Variants in CSPP1 observed in about 807,000 individuals in gnomAD.
CSPP1 encodes the protein centrosome and spindle pole-associated protein 1.
In CSPP1, 126 loss-of-function variants were observed where a neutral mutation model predicts 164.4. The ratio of observed to expected loss-of-function variants is 0.77; its 90% CI spans 0.66 to 0.89. The LOEUF is 0.89. CSPP1 is among the 40% of genes least tolerant of loss of function. The probability of loss-of-function intolerance (pLI) is 0.00; values close to 1 mark genes in which losing one functional copy is unlikely to be tolerated. For synonymous variants in CSPP1, 472 were observed against 476.7 expected, an observed-to-expected ratio of 0.99 and a Z score of 0.13; for missense variants, 1,395 against 1,449.8, an observed-to-expected ratio of 0.96 and a Z score of 0.61.
chr8:67,154,856 T>A (rs55865037), intron 19 of CSPP1, among the ~76,000 whole-genome samples: 18,746 of 152,252 alleles, frequency 0.12, 2,265 homozygotes, highest in African/African-American at 0.31. Context: ...GATTTACTAA[T>A]ATATTCATCT....
intron 18 of CSPP1, among the ~76,000 whole-genome samples, chr8:67,150,648 G>A (rs756778535): frequency 3.3e-5 from 5 of 152,174 alleles, no homozygotes; most frequent in African/African-American, 7.2e-5. Flanking sequence ...TGATCCATCC[G>A]CCTCCACCTC....
intron 27 of CSPP1, among the ~76,000 whole-genome samples, chr8:67,178,796 G>A (rs771423169): frequency 9.2e-5 from 14 of 152,298 alleles, no homozygotes; most frequent in Admixed American, 2.0e-4. Flanking sequence ...CATGGGGCAG[G>A]GGGTGACGAG....
At chr8:67,072,826 A>G (rs1206581712) in intron 1 of CSPP1, among the ~76,000 whole-genome samples, 1 of 150,560 alleles carries the variant, frequency 6.6e-6, no homozygotes, top group Non-Finnish European at 1.5e-5. Flanking sequence ...TATGATGGCA[A>G]CACTGTACTC....
intron 17 of CSPP1, among the ~76,000 whole-genome samples, chr8:67,141,615 G>T (rs997517753): frequency 6.6e-6 from 1 of 152,106 alleles, no homozygotes; most frequent in Admixed American, 6.6e-5. Flanking sequence ...TCTGCCTCCC[G>T]GGTTCAAGCA....
At position 67,175,307 on chromosome 8, in the gene CSPP1, C is replaced by T. The variant is rs760275528; in HGVS notation, c.2980C>T (p.Arg994Ter). Reference protein sequence around the residue: ...NELKDRDSETRVDLKFMYLDP... With the variant: ...NELKDRDSET ...ATTTTTTATACCAGATTCAGAAACACGAGTTGATCTGAAATTTATGTACCT... is the reference window on the plus strand; with the variant it reads ...ATTTTTTATACCAGATTCAGAAACATGAGTTGATCTGAAATTTATGTACCT... Residue 994 changes from arginine (R) to a stop codon, truncating the protein, a stop_gained, in exon 26 of 31, where the codon CGA becomes TGA. Coordinates refer to ENST00000678616, the MANE Select transcript of CSPP1 (RefSeq NM_001382391.1). LOFTEE classifies it high-confidence loss of function. 5.0e-6 allele frequency: 8 copies of T among 1,609,052 alleles called. No homozygotes were observed. Among genetic ancestry groups the T allele is most frequent in the African/African-American group, 1.3e-5 (1 of 74,728 alleles).
chr8:67,143,345 T>C (rs188806437), intron 17 of CSPP1, among the ~76,000 whole-genome samples: 2 of 152,194 alleles, frequency 1.3e-5, no homozygotes, highest in Admixed American at 1.3e-4. Flanking sequence ...ACAACTCAAC[T>C]TCTTCGCATA....
At chr8:67,154,533 ATT>A (rs35967092) in intron 19 of CSPP1, among the ~76,000 whole-genome samples, 1 of 151,950 alleles carries the variant, frequency 6.6e-6, no homozygotes, top group African/African-American at 2.4e-5. Flanking sequence ...CGCCCGGCTA[ATT>A]TTTTGTATTT....
At chr8:67,086,946 A>T in intron 4 of CSPP1, 1 of 559,170 alleles carries the variant, frequency 1.8e-6, no homozygotes, top group Non-Finnish European at 3.0e-6. Context: ...TGAGATTCAA[A>T]CCAATTAGGA....
chr8:67,086,212 A>G (rs776809244), intron 4 of CSPP1, 102 bp downstream of exon 4: 1 of 766,110 alleles, frequency 1.3e-6, no homozygotes, highest in Non-Finnish European at 2.4e-6. Context: ...TTAGGTTTTC[A>G]GTGGTACTAG....
chr8:67,177,732 C>T lies in CSPP1; in HGVS notation c.3156+6C>T, dbSNP rs375100195. On this transcript the variant is annotated splice_donor_region_variant and intron_variant, in intron 27 of 30. Transcript: ENST00000678616. Reference sequence around the variant, plus strand: ...AAGTACGAGAGCAAAGAATGGTAAGCAACCAGTTACAATTTTTCAAGTTAG... The same window carrying T: ...AAGTACGAGAGCAAAGAATGGTAAGTAACCAGTTACAATTTTTCAAGTTAG... 2.9e-5 allele frequency: 46 copies of T among 1,603,256 alleles called. No homozygotes were observed. In the African/African-American group the frequency reaches 5.6e-4, roughly 20 times the overall value.
rs1370912019 is a variant in CSPP1, at chr8:67,159,122, T to C, written c.2523T>C (p.Ile841=). 2 of 1,598,452 alleles carry C rather than the reference T, an allele frequency of 1.3e-6. No homozygotes were observed. Among genetic ancestry groups the C allele is most frequent in the Admixed American group, 1.8e-5 (1 of 55,696 alleles). ...ACTACTGTGAAAGAGACAATTTGATTGGGGAAGAAACAAAGGTAAGTTTCA... is the reference window on the plus strand; with the variant it reads ...ACTACTGTGAAAGAGACAATTTGATCGGGGAAGAAACAAAGGTAAGTTTCA... The part of the protein sequence containing the change: ...LQHYCERDNL[I]GEETKHMRQP... Residue 841 remains isoleucine (I), a synonymous_variant, in exon 21 of 31, where the codon ATT becomes ATC. Coordinates refer to ENST00000678616, the MANE Select transcript of CSPP1 (RefSeq NM_001382391.1).
chr8:67,129,625 A>T (rs11990088), intron 15 of CSPP1, among the ~76,000 whole-genome samples: 12,593 of 152,250 alleles, frequency 0.083, 1,062 homozygotes, highest in African/African-American at 0.22. Context: ...TCCATCAGTG[A>T]GTGAATGGAT....
rs1830655040 is a variant in CSPP1 at position 67,172,409 on chromosome 8, T to G, written c.2829-7T>G. ...AGCACATATTATGATTTGTCATTTA[T>G]CTATAGGAAAAAGGAAAGGAATCCC... On this transcript the variant is annotated splice_polypyrimidine_tract_variant and splice_region_variant and intron_variant, in intron 24 of 30. Coordinates refer to ENST00000678616, the MANE Select transcript of CSPP1 (RefSeq NM_001382391.1). 1 of 1,607,188 alleles carries G rather than the reference T, an allele frequency of 6.2e-7. No individual in the cohort carries two copies. The highest frequency in any genetic ancestry group is 8.5e-7 in the Non-Finnish European group (1 of 1,175,072).
intron 18 of CSPP1, among the ~76,000 whole-genome samples, chr8:67,151,437 CAG>C (rs754405922): frequency 6.6e-5 from 10 of 152,290 alleles, no homozygotes; most frequent in Non-Finnish European, 1.3e-4. Context: ...CATTGCCATA[CAG>C]AGTCTTTCTC....
At chr8:67,102,088 T>G (rs1457311645) in intron 7 of CSPP1, among the ~76,000 whole-genome samples, 2 of 152,152 alleles carry the variant, frequency 1.3e-5, no homozygotes, top group South Asian at 2.1e-4. Context: ...TCCAAAAAGG[T>G]TTTTAAAGAA....
chr8:67,083,187 A>G (rs1479222905), intron 3 of CSPP1, among the ~76,000 whole-genome samples: 1 of 152,190 alleles, frequency 6.6e-6, no homozygotes, highest in Non-Finnish European at 1.5e-5. Context: ...TTACAATACT[A>G]TTTGAATTAA....
intron 3 of CSPP1, among the ~76,000 whole-genome samples, chr8:67,078,589 T>A (rs1585871523): frequency 6.6e-6 from 1 of 152,240 alleles, no homozygotes; most frequent in African/African-American, 2.4e-5. Context: ...TCGAACTCGC[T>A]AGCTCAAGCC....
chr8:67,147,344 G>T (rs1333341338), intron 17 of CSPP1, among the ~76,000 whole-genome samples: 1 of 152,028 alleles, frequency 6.6e-6, no homozygotes, highest in Non-Finnish European at 1.5e-5. Context: ...TTTTTCTGTG[G>T]TTTCACCCAG....
rs780536145 is a variant in CSPP1, at chr8:67,177,703, G to A, written c.3133G>A (p.Ala1045Thr). The change falls in exon 27 of 31, where the codon GCT (alanine) becomes ACT (threonine). Residue 1045 changes from alanine (A) to threonine (T), a missense_variant. Ala to Thr is a moderately conservative substitution (Grantham distance 58). Coordinates refer to ENST00000678616, the MANE Select transcript of CSPP1 (RefSeq NM_001382391.1). Reference sequence around the variant, plus strand: ...AGTTGACTTAGATGCCATCCCAAGTGCTAAAGTACGAGAGCAAAGAATGGT... The same window carrying A: ...AGTTGACTTAGATGCCATCCCAAGTACTAAAGTACGAGAGCAAAGAATGGT... Reference protein sequence around the residue: ...AKVDLDAIPSAKVREQRMPRD... With the variant: ...AKVDLDAIPSTKVREQRMPRD... 1 of 1,612,110 alleles carries A rather than the reference G, an allele frequency of 6.2e-7. No homozygotes were observed. The highest frequency in any genetic ancestry group is 1.7e-5 in the Admixed American group (1 of 60,000).
Sources: gnomAD v4.1 joint callset for allele counts (sites outside exome capture counted in the v4.1 genomes callset) on GRCh38, gnomAD v4.1.1 for gene constraint, MANE v1.5 for transcripts, NCBI Gene and HGNC (gene_info 2026-07-23, HGNC 2026-07-21) for gene names.